The following ADAMTS14 variants were observed in gnomAD, a reference collection of about 807,000 sequenced individuals.
The protein encoded by ADAMTS14 is ADAM metallopeptidase with thrombospondin type 1 motif 14, also known as A disintegrin and metalloproteinase with thrombospondin motifs 14.
ADAMTS14 carries 100 observed loss-of-function variants against 128.6 expected under a neutral mutation model. The observed-to-expected ratio is 0.78, with a 90% CI of 0.66 to 0.92. The LOEUF (loss-of-function observed/expected upper bound fraction) is 0.92. Ranked by LOEUF, ADAMTS14 falls within the 40% of genes least tolerant of loss-of-function variation. The probability of loss-of-function intolerance (pLI) is 0.00; values close to 1 mark genes in which losing one functional copy is unlikely to be tolerated. For missense variants in ADAMTS14, 1,562 were observed against 1,658.6 expected (o/e 0.94, Z 1.01); for synonymous variants, 665 against 653.8 (o/e 1.02, Z -0.26).
intron 9 of ADAMTS14, among the ~76,000 whole-genome samples, chr10:70,736,415 G>A (rs189334688): frequency 5.9e-5 from 9 of 152,258 alleles, no homozygotes; most frequent in East Asian, 1.9e-4. Context: ...TCTGTAAAGC[G>A]GGGGAGGGAG....
chr10:70,718,046 C>T (rs1841113447), intron 4 of ADAMTS14, among the ~76,000 whole-genome samples: 1 of 152,204 alleles, frequency 6.6e-6, no homozygotes, highest in Admixed American at 6.5e-5. Flanking sequence ...AGATCAGGGC[C>T]TTGGTGGCCT....
intron 2 of ADAMTS14, among the ~76,000 whole-genome samples, chr10:70,700,919 C>T (rs1840474678): frequency 6.6e-6 from 1 of 152,240 alleles, no homozygotes; most frequent in African/African-American, 2.4e-5. Flanking sequence ...TTAACAAGCA[C>T]ACCAGAACTT....
rs1258101292 is a variant in ADAMTS14, at chr10:70,687,965, A to AC, written c.522+12980dup. Among the ~76,000 whole-genome samples, 208 of 29,064 alleles carry AC rather than the reference A, an allele frequency of 7.2e-3. 9 individuals are homozygous for AC. Among genetic ancestry groups the AC allele is most frequent in the South Asian group, 0.019 (8 of 422 alleles). 19.1% of individuals were successfully genotyped at this position (29,064 alleles called of 152,430 possible). A position where few individuals can be genotyped will look rare whatever the true frequency, so the allele number is the denominator to read the frequency against. On this transcript the variant is annotated intron_variant, in intron 2 of 21. Coordinates refer to ENST00000373207, the MANE Select transcript of ADAMTS14 (RefSeq NM_080722.4). ...GGGCGGCTGGCCGGGCGGGGGGCTG[A>AC]CCCCCCCCCCGACCTCCCTCCCGGA... is the stretch of plus-strand genomic sequence containing the variant.
At chr10:70,730,742 A>G (rs1841609644) in intron 6 of ADAMTS14, among the ~76,000 whole-genome samples, 1 of 152,096 alleles carries the variant, frequency 6.6e-6, no homozygotes, top group Non-Finnish European at 1.5e-5. Context: ...ACATCATAAT[A>G]CTTGCCTTCC....
At chr10:70,676,952 T>C (rs1380631010) in intron 2 of ADAMTS14, among the ~76,000 whole-genome samples, 2 of 152,226 alleles carry the variant, frequency 1.3e-5, no homozygotes, top group East Asian at 3.8e-4. Context: ...CCAGCTTCTC[T>C]GACTGCCCTC....
intron 8 of ADAMTS14, 65 bp downstream of exon 8, chr10:70,734,093 T>A: frequency 6.4e-7 from 1 of 1,567,970 alleles, no homozygotes; most frequent in Non-Finnish European, 8.6e-7. Context: ...TGAGCAGACA[T>A]CACACAGCTG....
chr10:70,738,285 G>C (rs908085047), intron 10 of ADAMTS14, among the ~76,000 whole-genome samples: 2 of 152,182 alleles, frequency 1.3e-5, no homozygotes, highest in Non-Finnish European at 2.9e-5. Context: ...CCACCTAACA[G>C]GTGGGTAAAC....
In ADAMTS14 at chr10:70,755,673, C is replaced by T. The variant is rs1046650522; in HGVS notation, c.2937+1666C>T. ...CAGTCTGGCCAACATGGTGAAACCCCGTCTCTACTAAAAATGCAAAAATTA... is the reference window on the plus strand; with the variant it reads ...CAGTCTGGCCAACATGGTGAAACCCTGTCTCTACTAAAAATGCAAAAATTA... On this transcript the variant is annotated intron_variant, in intron 19 of 21. Transcript: ENST00000373207. Among the ~76,000 whole-genome samples the T allele has an allele frequency of 9.9e-5, 15 of 152,228 alleles. No homozygotes were observed. The South Asian group carries it at 1.5e-3, about 15-fold the overall frequency.
chr10:70,735,143 C>T (rs1401345572), intron 8 of ADAMTS14, 26 bp from the exon 9 acceptor site: 1 of 1,599,202 alleles, frequency 6.3e-7, no homozygotes, highest in Non-Finnish European at 8.6e-7. Flanking sequence ...GTCAGCCTGG[C>T]TCACCTTCCT....
chr10:70,745,266 C>T lies in ADAMTS14; in HGVS notation c.2223C>T (p.His741=). Residue 741 remains histidine (H), a synonymous_variant, in exon 15 of 22, where the codon CAC becomes CAT. Coordinates refer to ENST00000373207, the MANE Select transcript of ADAMTS14 (RefSeq NM_080722.4). ...KLVQIPAGAR[H]IQIEALEKSP... ...TGCAGATCCCAGCAGGTGCCAGGCA[C>T]ATCCAGATTGAGGCACTGGAGAAGT... 4.3e-6 allele frequency: 7 copies of T among 1,612,638 alleles called. No individual in the cohort carries two copies. Among genetic ancestry groups the T allele is most frequent in the Non-Finnish European group, 5.9e-6 (7 of 1,179,980 alleles).
Position 70,674,849 on chromosome 10 carries a change from A to C in ADAMTS14, c.376A>C (p.Arg126=). 6.2e-7 allele frequency: 1 copy of C among 1,613,772 alleles called. No homozygotes were observed. Among genetic ancestry groups the C allele is most frequent in the Non-Finnish European group, 8.5e-7 (1 of 1,180,012 alleles). Residue 126 remains arginine, a synonymous_variant, in exon 2 of 22, where the codon AGG becomes CGG. Transcript: ENST00000373207. ...GCACTTGCGCCTGCGGCCCAATCGG[A>C]GGTTGGTAGTGCCAGGATCCTCAGT... ...ELHLRLRPNR[R]LVVPGSSVEW...
chr10:70,673,030 C>T (rs1385131778), intron 1 of ADAMTS14, 146 bp downstream of exon 1: 3 of 1,190,426 alleles, frequency 2.5e-6, no homozygotes, highest in Non-Finnish European at 3.3e-6. Flanking sequence ...GTCTTTTCTT[C>T]CACTGTGCCA....
At chr10:70,696,776 C>G (rs573933293) in intron 2 of ADAMTS14, among the ~76,000 whole-genome samples, 1 of 152,180 alleles carries the variant, frequency 6.6e-6, no homozygotes, top group African/African-American at 2.4e-5. Context: ...CACCTGCGGT[C>G]GAGGTTTCTG....
At chr10:70,729,157 C>T in intron 4 of ADAMTS14, 137 bp from the exon 5 acceptor site, 1 of 716,430 alleles carries the variant, frequency 1.4e-6, no homozygotes, top group Non-Finnish European at 2.4e-6. Flanking sequence ...GTTTCTTTAT[C>T]TGTAAAGTAG....
In ADAMTS14 at chr10:70,733,986, A is replaced by G. The variant is rs1359115020; in HGVS notation, c.1310A>G (p.His437Arg). Reference protein sequence around the residue: ...PLVQAAFHRFHWSRCSKLELS... With the variant: ...PLVQAAFHRFRWSRCSKLELS... The stretch of plus-strand genomic sequence containing the variant: ...GTGCAGGCTGCCTTCCACCGCTTCC[A>G]TTGGTCCCGCTGCAGCAAGCTGGAG... The change falls in exon 8 of 22, where the codon CAT (histidine) becomes CGT (arginine). Residue 437 changes from histidine (H) to arginine (R), a missense_variant. His to Arg is a conservative substitution (Grantham distance 29). Transcript: ENST00000373207. 1 of 1,613,752 alleles carries G rather than the reference A, an allele frequency of 6.2e-7. No homozygotes were observed. Among genetic ancestry groups the G allele is most frequent in the Admixed American group, 1.7e-5 (1 of 60,014 alleles).
chr10:70,745,380 C>A, intron 15 of ADAMTS14, 74 bp downstream of exon 15: 1 of 1,480,642 alleles, frequency 6.8e-7, no homozygotes, highest in Non-Finnish European at 9.4e-7. Flanking sequence ...GCTGGGAGAC[C>A]AGAGGACAAG....
Position 70,674,706 on chromosome 10 carries a change from G to T in ADAMTS14, c.233G>T (p.Arg78Leu). ...GTGGACACGCCACCCACACTACCAC[G>T]ACACTCCAGTCACCTCCGGGTGGCT... ...MVVDTPPTLP[R>L]HSSHLRVARS... Residue 78 changes from arginine to leucine, a missense_variant, in exon 2 of 22, where the codon CGA (arginine) becomes CTA (leucine). Arg to Leu is a moderately radical substitution (Grantham distance 102). Transcript: ENST00000373207. 6.2e-7 allele frequency: 1 copy of T among 1,613,494 alleles called. No homozygotes were observed. The highest frequency in any genetic ancestry group is 8.5e-7 in the Non-Finnish European group (1 of 1,180,020).
rs554677512 is a variant in ADAMTS14 at position 70,710,585 on chromosome 10, C to T, written c.870+1807C>T. Among the ~76,000 whole-genome samples the T allele has an allele frequency of 1.5e-4, 23 of 152,344 alleles. No homozygotes were observed. The East Asian group carries it at 2.3e-3, about 15-fold the overall frequency. On this transcript the variant is annotated intron_variant, in intron 4 of 21. Coordinates refer to ENST00000373207, the MANE Select transcript of ADAMTS14 (RefSeq NM_080722.4). ...AAGAGATGTGCAATTGATTGTGCTA[C>T]GGCACTAAGAGGAATATTAGTGAAT...
rs1842597763 is a variant in ADAMTS14 at position 70,760,856 on chromosome 10, T to C, written c.*3T>C. The C allele has an allele frequency of 1.3e-6, 2 of 1,557,918 alleles. No homozygotes were observed. Among genetic ancestry groups the C allele is most frequent in the Non-Finnish European group, 1.7e-6 (2 of 1,150,132 alleles). On this transcript the variant is annotated 3_prime_UTR_variant, in exon 22 of 22. Coordinates refer to ENST00000373207, the MANE Select transcript of ADAMTS14 (RefSeq NM_080722.4). ...CTGCTGCCTCCCCGGTGACATGAGCTGTGCCCTGCCATCCCACTGGCACGT... is the reference window on the plus strand; with the variant it reads ...CTGCTGCCTCCCCGGTGACATGAGCCGTGCCCTGCCATCCCACTGGCACGT...
Sources: gnomAD v4.1 joint callset for allele counts (sites outside exome capture counted in the v4.1 genomes callset) on GRCh38, gnomAD v4.1.1 for gene constraint, MANE v1.5 for transcripts, NCBI Gene and HGNC (gene_info 2026-07-23, HGNC 2026-07-21) for gene names.